Variants in CCDC88C observed in about 807,000 individuals in gnomAD.
CCDC88C encodes the protein coiled-coil and HOOK domain protein 88C.
Under a neutral mutation model 198.8 loss-of-function variants are expected in CCDC88C, and 131 were observed. The ratio of observed to expected loss-of-function variants is 0.66; its 90% CI spans 0.57 to 0.76. CCDC88C has a LOEUF of 0.76. Ranked by LOEUF, CCDC88C falls within the 30% of genes least tolerant of loss-of-function variation. The pLI is 0.00. For synonymous variants in CCDC88C, 1,166 were observed against 1,114.7 expected (o/e 1.05, Z -0.92); for missense variants, 2,553 against 2,631.6 (o/e 0.97, Z 0.65).
At chr14:91,295,674 G>A (rs1470107204) in intron 22 of CCDC88C, among the ~76,000 whole-genome samples, 2 of 152,200 alleles carry the variant, frequency 1.3e-5, no homozygotes, top group Admixed American at 6.5e-5. Flanking sequence ...GGAGAGAGGC[G>A]GGTTAGGAGG....
chr14:91,293,556 T>A (rs1567055880), intron 23 of CCDC88C, among the ~76,000 whole-genome samples: 25 of 64,088 alleles, frequency 3.9e-4, no homozygotes, highest in African/African-American at 5.0e-4. Flanking sequence ...TCCTGTCCCC[T>A]CGCCTGCCAC....
rs1892058409 is a variant in CCDC88C, at chr14:91,315,594, C to T, written c.1665+56G>A. The T allele has an allele frequency of 3.1e-6, 5 of 1,600,246 alleles. No individual in the cohort carries two copies. The East Asian group carries it at 1.1e-4, about 36-fold the overall frequency. ...GTACCAGGAATGGCTGTAATCCCGGCTCTCCGTCTTGCAGGCAGGGGTTCT... is the reference window on the plus strand; with the variant it reads ...GTACCAGGAATGGCTGTAATCCCGGTTCTCCGTCTTGCAGGCAGGGGTTCT... On this transcript the variant is annotated intron_variant, in intron 14 of 29. Coordinates refer to ENST00000389857, the MANE Select transcript of CCDC88C (RefSeq NM_001080414.4).
At chr14:91,330,133 G>A (rs1159446828) in intron 10 of CCDC88C, among the ~76,000 whole-genome samples, 1 of 152,242 alleles carries the variant, frequency 6.6e-6, no homozygotes, top group African/African-American at 2.4e-5. Context: ...CAGACCCTGT[G>A]TTCAAAGAGC....
intron 3 of CCDC88C, among the ~76,000 whole-genome samples, chr14:91,392,496 G>A (rs1253998436): frequency 6.6e-6 from 1 of 152,100 alleles, no homozygotes; most frequent in African/African-American, 2.4e-5. Context: ...ATTCCTTTCT[G>A]TTCAAAAGGA....
At chr14:91,386,289 C>CA (rs1239070390) in intron 3 of CCDC88C, among the ~76,000 whole-genome samples, 60,159 of 105,824 alleles carry the variant, frequency 0.57, 16,162 homozygotes, top group Non-Finnish European at 0.66. Flanking sequence ...ACTAAAAATA[C>CA]AAAAAAAAAA....
intron 16 of CCDC88C, among the ~76,000 whole-genome samples, chr14:91,309,482 T>C (rs1891712169): frequency 6.6e-6 from 1 of 151,926 alleles, no homozygotes. Context: ...TGCATGCCTG[T>C]GGTCCCAGCT....
Position 91,338,275 on chromosome 14 carries a change from T to A in CCDC88C, c.892-112A>T. On this transcript the variant is annotated intron_variant, in intron 9 of 29. Transcript: ENST00000389857. The surrounding 1 kb of genome is among the most constrained non-coding windows in gnomAD (Gnocchi z 4.8). Reference sequence around the variant, plus strand: ...CCACGACGGCCCAGGACAAGCCAGCTCCTGGTGGCCGGGGGCCTCCATGTG... The same window carrying A: ...CCACGACGGCCCAGGACAAGCCAGCACCTGGTGGCCGGGGGCCTCCATGTG... The A allele has an allele frequency of 7.4e-7, 1 of 1,358,124 alleles. No homozygotes were observed. Among genetic ancestry groups the A allele is most frequent in the Non-Finnish European group, 1.0e-6 (1 of 989,620 alleles). 84.1% of individuals were successfully genotyped at this position (1,358,124 alleles called of 1,614,324 possible).
intron 26 of CCDC88C, 148 bp downstream of exon 26, chr14:91,283,181 C>T (rs1890269075): frequency 1.2e-6 from 1 of 820,278 alleles, no homozygotes. Context: ...TGCATCTGTG[C>T]CACCAAAGCC....
chr14:91,332,826 A>G (rs1190284118), intron 10 of CCDC88C, among the ~76,000 whole-genome samples: 2 of 152,086 alleles, frequency 1.3e-5, no homozygotes, highest in African/African-American at 4.8e-5. Context: ...TGTGATTACC[A>G]AGTGCCTTGT....
chr14:91,325,054 G>C lies in CCDC88C; in HGVS notation c.1198-131C>G, dbSNP rs1461908920. 8 of 1,169,406 alleles carry C rather than the reference G, an allele frequency of 6.8e-6. No individual in the cohort carries two copies. The highest frequency in any genetic ancestry group is 2.4e-6 in the Non-Finnish European group (2 of 824,694). The allele number at this position is 1,169,406 out of a possible 1,614,324, so 72.4% of individuals were successfully genotyped here. Reference sequence around the variant, plus strand: ...GTACTGGCTCACTTCCAAATAAACAGAGCTGCACAGAAACATCCCAACACA... The same window carrying C: ...GTACTGGCTCACTTCCAAATAAACACAGCTGCACAGAAACATCCCAACACA... On this transcript the variant is annotated intron_variant, in intron 11 of 29. Coordinates refer to ENST00000389857, the MANE Select transcript of CCDC88C (RefSeq NM_001080414.4). The surrounding 1 kb of genome is among the most constrained non-coding windows in gnomAD (Gnocchi z 4.1).
rs761899392 is a variant in CCDC88C, at chr14:91,289,304, G to A, written c.4242C>T (p.Leu1414=). ...TCGAACCCTCTTTCTTTGGTTTGAT[G>A]AGTTTGACTAAGGCTTTGGCTCCAA... ...HWIGAKALVK[L]IKPKKEGSRE... The change falls in exon 25 of 30, where the codon CTC becomes CTT. Residue 1414 remains leucine, a synonymous_variant. Coordinates refer to ENST00000389857, the MANE Select transcript of CCDC88C (RefSeq NM_001080414.4). 47 of 1,613,938 alleles carry A rather than the reference G, an allele frequency of 2.9e-5. No homozygotes were observed. The highest frequency in any genetic ancestry group is 3.7e-5 in the Non-Finnish European group (44 of 1,179,904).
chr14:91,278,045 A>G lies in CCDC88C; in HGVS notation c.4935T>C (p.Gly1645=). Residue 1645 remains glycine (G), a synonymous_variant, in exon 29 of 30, where the codon GGT becomes GGC. Coordinates refer to ENST00000389857, the MANE Select transcript of CCDC88C (RefSeq NM_001080414.4). ...GAGGGGCTGTGCCCCTCTTCTGGGC[A>G]CCCTCCTGTGGGAGAGGCCCGTTCC... ...LPRNGPLPQE[G]AQKRGTAPPY... 2.5e-6 allele frequency: 4 copies of G among 1,607,860 alleles called. No homozygotes were observed. Among genetic ancestry groups the G allele is most frequent in the Non-Finnish European group, 3.4e-6 (4 of 1,177,376 alleles).
At chr14:91,285,775 T>G in intron 25 of CCDC88C, 1 of 1,289,130 alleles carries the variant, frequency 7.8e-7, no homozygotes, top group South Asian at 1.2e-5. Context: ...GGTGGGTCGT[T>G]GGAGACTTGT....
intron 3 of CCDC88C, among the ~76,000 whole-genome samples, chr14:91,362,406 T>C (rs1174597742): frequency 6.6e-6 from 1 of 151,660 alleles, no homozygotes; most frequent in East Asian, 1.9e-4. Flanking sequence ...ATAAGCGAGA[T>C]GCAATATGTG....
At chr14:91,337,529 C>CA (rs1392140260) in intron 10 of CCDC88C, among the ~76,000 whole-genome samples, 2 of 152,162 alleles carry the variant, frequency 1.3e-5, no homozygotes, top group South Asian at 2.1e-4. Flanking sequence ...TTTGTAGAGA[C>CA]AGAGTCTTGC....
chr14:91,369,907 A>G (rs1434353626), intron 3 of CCDC88C, among the ~76,000 whole-genome samples: 2 of 152,238 alleles, frequency 1.3e-5, no homozygotes. Flanking sequence ...CCAGGGACCA[A>G]CTCGGCCCGG....
chr14:91,286,589 G>A (rs1284540116), intron 25 of CCDC88C, among the ~76,000 whole-genome samples: 1 of 152,234 alleles, frequency 6.6e-6, no homozygotes, highest in Non-Finnish European at 1.5e-5. Context: ...TAGGATTAAA[G>A]TTGATACCAG....
chr14:91,379,812 G>A (rs1164813520), intron 3 of CCDC88C: 3 of 702,880 alleles, frequency 4.3e-6, no homozygotes, highest in Non-Finnish European at 2.6e-6. Flanking sequence ...CACTGGGTTT[G>A]TTTGAAGCCA....
chr14:91,293,130 C>CAGCCCACCTTCCCATCCTCACCTGCCAT (rs1567054648), intron 23 of CCDC88C, among the ~76,000 whole-genome samples: 4 of 147,528 alleles, frequency 2.7e-5, no homozygotes, highest in African/African-American at 7.5e-5. Flanking sequence ...TCACTTGCCA[C>CAGCCCACCTTCCCATCCTCACCTGCCAT]AGCCCACCTT....
Sources: gnomAD v4.1 joint callset for allele counts (sites outside exome capture counted in the v4.1 genomes callset) on GRCh38, gnomAD v4.1.1 for gene constraint, Gnocchi (gnomAD v3.1) non-coding constraint, MANE v1.5 for transcripts, NCBI Gene and HGNC (gene_info 2026-07-23, HGNC 2026-07-21) for gene names.